CKAP4: variants seen among roughly 807,000 people sequenced by gnomAD.
CKAP4 encodes the protein cytoskeleton-associated protein 4.
CKAP4 carries 20 observed loss-of-function variants against 24.4 expected under a neutral mutation model. That is an observed-to-expected ratio of 0.82 (90% CI 0.58 to 1.19). The LOEUF is 1.19. Ranked by LOEUF, CKAP4 falls within the 50% of genes most tolerant of loss-of-function variation. The pLI is 0.00. For missense variants in CKAP4, 744 were observed against 765.3 expected, an observed-to-expected ratio of 0.97 and a Z score of 0.33; for synonymous variants, 378 against 351.7, an observed-to-expected ratio of 1.07 and a Z score of -0.84.
At chr12:106,244,765 G>A (rs1037149318) in intron 1 of CKAP4, among the ~76,000 whole-genome samples, 5 of 152,088 alleles carry the variant, frequency 3.3e-5, no homozygotes, top group African/African-American at 4.8e-5. Flanking sequence ...GCTCCAGCCT[G>A]GTGACAGAGT....
rs377269444 is a variant in CKAP4, at chr12:106,240,373, A to C, written c.484-24T>G. ...ACCTGTAATCAAAATCCAGACGTTA[A>C]TTGCTGAGAAGAGCTGATGAGTTTC... On this transcript the variant is annotated intron_variant, in intron 1 of 1. Transcript: ENST00000378026. 3.1e-6 allele frequency: 5 copies of C among 1,597,374 alleles called. No individual in the cohort carries two copies. The highest frequency in any genetic ancestry group is 4.3e-6 in the Non-Finnish European group (5 of 1,170,326).
At position 106,247,945 on chromosome 12, in the gene CKAP4, C is replaced by G; in HGVS notation, c.-94G>C. The G allele has an allele frequency of 1.3e-6, 1 of 779,996 alleles. No homozygotes were observed. Among genetic ancestry groups the G allele is most frequent in the Non-Finnish European group, 1.6e-6 (1 of 638,936 alleles). 48.3% of individuals were successfully genotyped at this position (779,996 alleles called of 1,614,324 possible). A position where few individuals can be genotyped will look rare whatever the true frequency, so the allele number is the denominator to read the frequency against. On this transcript the variant is annotated 5_prime_UTR_variant, in exon 1 of 2. Transcript: ENST00000378026. The surrounding 1 kb of genome is among the most constrained non-coding windows in gnomAD (Gnocchi z 4.5). ...TTGCAGGGGCTCCCCCGGGACTGGGCGAGCGGCACGCGGGCGCTGCTGGCG... is the reference window on the plus strand; with the variant it reads ...TTGCAGGGGCTCCCCCGGGACTGGGGGAGCGGCACGCGGGCGCTGCTGGCG...
chr12:106,247,433 C>G lies in CKAP4; in HGVS notation c.419G>C (p.Ser140Thr). 6.5e-7 allele frequency: 1 copy of G among 1,544,058 alleles called. No individual in the cohort carries two copies. The highest frequency in any genetic ancestry group is 8.7e-7 in the Non-Finnish European group (1 of 1,146,814). The change falls in exon 1 of 2, where the codon AGC becomes ACC. Residue 140 changes from serine to threonine, a missense_variant. Coordinates refer to ENST00000378026, the MANE Select transcript of CKAP4 (RefSeq NM_006825.4). The surrounding 1 kb of genome is among the most constrained non-coding windows in gnomAD (Gnocchi z 4.5). The part of the protein sequence containing the change: ...VLEEVQQVRR[S>T]HQDFSRQREE... ...CCTCTGCCGGGAGAAGTCCTGGTGG[C>G]TGCGCCGGACCTGCTGGACCTCCTC...
chr12:106,238,938 G>C lies in CKAP4; in HGVS notation c.*86C>G, dbSNP rs1344404897. 4 of 1,443,458 alleles carry C rather than the reference G, an allele frequency of 2.8e-6. No homozygotes were observed. The highest frequency in any genetic ancestry group is 3.8e-6 in the Non-Finnish European group (4 of 1,052,412). The allele number at this position is 1,443,458 out of a possible 1,614,324, so 89.4% of individuals were successfully genotyped here. On this transcript the variant is annotated 3_prime_UTR_variant, in exon 2 of 2. Transcript: ENST00000378026. ...CTTTAAGAGGGGACAAGAAATTGGG[G>C]GGTAGGGGACACATGGGAAAAAACC...
intron 1 of CKAP4, among the ~76,000 whole-genome samples, chr12:106,245,032 C>T (rs1015023207): frequency 6.6e-6 from 1 of 152,086 alleles, no homozygotes; most frequent in Non-Finnish European, 1.5e-5. Context: ...CAAGACCTTC[C>T]CTATTTTGGC....
At chr12:106,246,091 G>A (rs76420117) in intron 1 of CKAP4, among the ~76,000 whole-genome samples, 41 of 152,260 alleles carry the variant, frequency 2.7e-4, no homozygotes, top group Admixed American at 6.5e-4. Context: ...AGATCAAAGG[G>A]GCTGTACTTG....
At position 106,237,965 on chromosome 12, in the gene CKAP4, CT is replaced by C. The variant is rs546533484; in HGVS notation, c.*1058del. The C allele has an allele frequency of 0.015, 835 of 55,048 alleles. 2 individuals are homozygous for C. Among genetic ancestry groups the C allele is most frequent in the African/African-American group, 0.029 (382 of 13,340 alleles). 3.4% of individuals were successfully genotyped at this position (55,048 alleles called of 1,614,324 possible). A position where few individuals can be genotyped will look rare whatever the true frequency, so the allele number is the denominator to read the frequency against. On this transcript the variant is annotated 3_prime_UTR_variant, in exon 2 of 2. Coordinates refer to ENST00000378026, the MANE Select transcript of CKAP4 (RefSeq NM_006825.4). ...TCATTTCACAGTAAACTAAACAAAA[CT>C]TTTTTTTTTTTTTTTTACTTTTCGG...
intron 1 of CKAP4, among the ~76,000 whole-genome samples, chr12:106,244,357 T>C: frequency 6.6e-6 from 1 of 152,256 alleles, no homozygotes. Flanking sequence ...TAATAGTACT[T>C]ACCTCTTGGG....
rs1049599853 is a variant in CKAP4, at chr12:106,247,932, C to T, written c.-81G>A. ...CGGCCCGGGAAACTTGCAGGGGCTC[C>T]CCCGGGACTGGGCGAGCGGCACGCG... On this transcript the variant is annotated 5_prime_UTR_variant, in exon 1 of 2. Transcript: ENST00000378026. The surrounding 1 kb of genome is among the most constrained non-coding windows in gnomAD (Gnocchi z 4.5). 12 of 873,876 alleles carry T rather than the reference C, an allele frequency of 1.4e-5. No homozygotes were observed. Among genetic ancestry groups the T allele is most frequent in the African/African-American group, 5.5e-5 (3 of 54,596 alleles). 54.1% of individuals were successfully genotyped at this position (873,876 alleles called of 1,614,324 possible).
intron 1 of CKAP4, among the ~76,000 whole-genome samples, chr12:106,240,676 A>T (rs968593280): frequency 9.3e-5 from 14 of 150,834 alleles, no homozygotes; most frequent in African/African-American, 3.4e-4. Flanking sequence ...TGCAAAAAAA[A>T]AAAAAAGAAA....
In CKAP4 at chr12:106,240,295, G is replaced by C; in HGVS notation, c.538C>G (p.Gln180Glu). 6.2e-7 allele frequency: 1 copy of C among 1,614,106 alleles called. No individual in the cohort carries two copies. The highest frequency in any genetic ancestry group is 1.1e-5 in the South Asian group (1 of 91,076). ...GTFESILRSS[Q>E]HKQDLTEKAV... ...TTCTCTGTGAGGTCTTGTTTATGTT[G>C]GGAGCTTCTCAAGATGGACTCAAAA... The change falls in exon 2 of 2, where the codon CAA becomes GAA. Residue 180 changes from glutamine to glutamate, a missense_variant. Gln to Glu is a conservative substitution (Grantham distance 29). Transcript: ENST00000378026.
At position 106,239,686 on chromosome 12, in the gene CKAP4, C is replaced by A; in HGVS notation, c.1147G>T (p.Asp383Tyr). The A allele has an allele frequency of 6.2e-7, 1 of 1,614,166 alleles. No individual in the cohort carries two copies. The highest frequency in any genetic ancestry group is 8.5e-7 in the Non-Finnish European group (1 of 1,180,022). The change falls in exon 2 of 2, where the codon GAT (aspartate) becomes TAT (tyrosine). Residue 383 changes from aspartate (D) to tyrosine (Y), a missense_variant. Transcript: ENST00000378026. This position sits in a 1 kb window ranked among gnomAD's most constrained non-coding sequence, Gnocchi z 4.9. ...CCGTCCTCCTTCGGCCCGTGGGAAT[C>A]GGACTTCAGCTGGCGGAGCTCTTCC... ...LEEELRQLKS[D>Y]SHGPKEDGGF...
At position 106,239,369 on chromosome 12, in the gene CKAP4, C is replaced by T. The variant is rs758418890; in HGVS notation, c.1464G>A (p.Glu488=). ...GGAGCTCGCCCACACTCCTCTTCAG[C>T]TCCTCCACGTCACCGTAGAGCACCA... ...TQLVLYGDVE[E]LKRSVGELPS... The change falls in exon 2 of 2, where the codon GAG becomes GAA. Residue 488 remains glutamate, a synonymous_variant. Transcript: ENST00000378026. This position sits in a 1 kb window ranked among gnomAD's most constrained non-coding sequence, Gnocchi z 4.9. The T allele has an allele frequency of 6.2e-7, 1 of 1,603,488 alleles. No homozygotes were observed. Among genetic ancestry groups the T allele is most frequent in the South Asian group, 1.1e-5 (1 of 91,068 alleles).
intron 1 of CKAP4, among the ~76,000 whole-genome samples, chr12:106,246,170 G>A (rs997565429): frequency 2.0e-5 from 3 of 152,164 alleles, no homozygotes; most frequent in Non-Finnish European, 2.9e-5. Flanking sequence ...ATCCATACCT[G>A]AAATGGACCC....
intron 1 of CKAP4, among the ~76,000 whole-genome samples, chr12:106,242,618 A>G (rs940617783): frequency 6.6e-6 from 1 of 152,234 alleles, no homozygotes; most frequent in Non-Finnish European, 1.5e-5. Context: ...CTGAGTCTTA[A>G]AGGACACTCT....
chr12:106,237,992 G>GTTTTTTTTTTTTTTTTTTTTTTTTGTT lies in CKAP4; in HGVS notation c.*1031_*1032insAACAAAAAAAAAAAAAAAAAAAAAAAA. The GTTTTTTTTTTTTTTTTTTTTTTTTGTT allele has an allele frequency of 1.4e-5, 1 of 70,512 alleles. No individual in the cohort carries two copies. The highest frequency in any genetic ancestry group is 6.2e-5 in the African/African-American group (1 of 16,246). 4.4% of individuals were successfully genotyped at this position (70,512 alleles called of 1,614,324 possible). On this transcript the variant is annotated 3_prime_UTR_variant, in exon 2 of 2. Coordinates refer to ENST00000378026, the MANE Select transcript of CKAP4 (RefSeq NM_006825.4). ...TTTTTTTTTTTTTTTTACTTTTCGG[G>GTTTTTTTTTTTTTTTTTTTTTTTTGTT]TTTTTTTTTTTTTTTTTTTTTCAAT...
Position 106,247,977 on chromosome 12 carries a change from C to T in CKAP4, c.-126G>A. On this transcript the variant is annotated 5_prime_UTR_variant, in exon 1 of 2. Coordinates refer to ENST00000378026, the MANE Select transcript of CKAP4 (RefSeq NM_006825.4). This position sits in a 1 kb window ranked among gnomAD's most constrained non-coding sequence, Gnocchi z 4.5. ...CACGCGGGCGCTGCTGGCGTCGGAG[C>T]GGCGAGAGGACGCGCGGCCGGGGAA... 3.7e-6 allele frequency: 2 copies of T among 544,364 alleles called. No homozygotes were observed. Among genetic ancestry groups the T allele is most frequent in the Non-Finnish European group, 4.7e-6 (2 of 424,544 alleles). The allele number at this position is 544,364 out of a possible 1,614,324, so 33.7% of individuals were successfully genotyped here. A position where few individuals can be genotyped will look rare whatever the true frequency, so the allele number is the denominator to read the frequency against.
chr12:106,244,605 G>C (rs1280414181), intron 1 of CKAP4, among the ~76,000 whole-genome samples: 1 of 152,154 alleles, frequency 6.6e-6, no homozygotes, highest in Non-Finnish European at 1.5e-5. Flanking sequence ...AACACAGCAA[G>C]ACCCTGTCTC....
rs918638802 is a variant in CKAP4 at position 106,238,551 on chromosome 12, A to G, written c.*473T>C. ...CAGCTATGAGCTTTAACCGGTTCAA[A>G]GTGGAAGACAAGTGAGAGATATCTC... On this transcript the variant is annotated 3_prime_UTR_variant, in exon 2 of 2. Coordinates refer to ENST00000378026, the MANE Select transcript of CKAP4 (RefSeq NM_006825.4). 11 of 158,442 alleles carry G rather than the reference A, an allele frequency of 6.9e-5. No individual in the cohort carries two copies. Among genetic ancestry groups the G allele is most frequent in the Admixed American group, 6.2e-4 (10 of 16,178 alleles). 9.8% of individuals were successfully genotyped at this position (158,442 alleles called of 1,614,324 possible).
Sources: allele counts gnomAD v4.1 joint callset (sites outside exome capture counted in the v4.1 genomes callset), GRCh38; gene constraint gnomAD v4.1.1; non-coding constraint Gnocchi (gnomAD v3.1); transcripts MANE v1.5; gene names NCBI Gene and HGNC (gene_info 2026-07-23, HGNC 2026-07-21).